The following SYTL2 variants were observed in gnomAD, a reference collection of about 807,000 sequenced individuals.
SYTL2 encodes synaptotagmin like 2, also known as synaptotagmin-like protein 2.
SYTL2 carries 165 observed loss-of-function variants against 198.7 expected under a neutral mutation model. The observed-to-expected ratio is 0.83, with a 90% CI of 0.73 to 0.94. SYTL2 has a LOEUF of 0.94. Among genes scored for constraint, SYTL2 ranks in the 40% least tolerant of loss-of-function variants. SYTL2 has a pLI of 0.00. For synonymous variants in SYTL2, 966 were observed against 917.7 expected (o/e 1.05, Z -0.95); for missense variants, 2,835 against 2,582.8 (o/e 1.10, Z -2.12).
chr11:85,779,216 G>A (rs1000803869), intron 1 of SYTL2, among the ~76,000 whole-genome samples: 2 of 151,988 alleles, frequency 1.3e-5, no homozygotes, highest in African/African-American at 4.8e-5. Context: ...CTCATCCCCA[G>A]GTAGTAAAAT....
At chr11:85,702,290 A>G (rs1439091904) in intron 16 of SYTL2, among the ~76,000 whole-genome samples, 1 of 151,866 alleles carries the variant, frequency 6.6e-6, no homozygotes, top group Non-Finnish European at 1.5e-5. Flanking sequence ...CCTGGGTTCA[A>G]GTGATCCTCC....
rs139140764 is a variant in SYTL2, at chr11:85,725,227, C to T, written c.4131G>A (p.Leu1377=). ...LNDVSAALQK[L]CGEVWLSYPA... is the part of the protein sequence containing the mutation. ...GATAACTTAACCATACTTCTCCACA[C>T]AGCTTCTGTAATGCAGCACTTACAT... The change falls in exon 8 of 20, where the codon CTG becomes CTA. Residue 1377 remains leucine (L), a synonymous_variant. Transcript: ENST00000359152. 1.9e-5 allele frequency: 30 copies of T among 1,614,094 alleles called. No individual in the cohort carries two copies. The African/African-American group carries it at 3.9e-4, about 21-fold the overall frequency.
At chr11:85,804,337 G>A (rs2092929760) in intron 1 of SYTL2, among the ~76,000 whole-genome samples, 1 of 152,178 alleles carries the variant, frequency 6.6e-6, no homozygotes, top group African/African-American at 2.4e-5. Context: ...TTCATGAACA[G>A]TAGAGCAGAA....
At position 85,696,339 on chromosome 11, in the gene SYTL2, C is replaced by T. The variant is rs1468077548; in HGVS notation, c.6418G>A (p.Val2140Ile). The change falls in exon 19 of 20, where the codon GTA becomes ATA. Residue 2140 changes from valine (V) to isoleucine (I), a missense_variant. By Grantham distance (29) the Val-to-Ile change is conservative. Coordinates refer to ENST00000359152, the MANE Select transcript of SYTL2 (RefSeq NM_206927.4). ...SRKSRQKTRA[V>I]GKTTNPIFNH... ...AAGATAGGGTTGGTGGTTTTCCCTA[C>T]AGCTCTTGTCTTCTGGCGACTTTTC... The T allele has an allele frequency of 6.2e-7, 1 of 1,614,018 alleles. No individual in the cohort carries two copies. Among genetic ancestry groups the T allele is most frequent in the East Asian group, 2.2e-5 (1 of 44,878 alleles).
At chr11:85,795,145 C>A (rs188559146) in intron 1 of SYTL2, among the ~76,000 whole-genome samples, 2 of 152,056 alleles carry the variant, frequency 1.3e-5, no homozygotes, top group African/African-American at 4.8e-5. Flanking sequence ...CCATAGTGAA[C>A]CTTGTATTAG....
intron 8 of SYTL2, among the ~76,000 whole-genome samples, chr11:85,723,420 T>C (rs1347847791): frequency 6.6e-6 from 1 of 152,158 alleles, no homozygotes; most frequent in Non-Finnish European, 1.5e-5. Flanking sequence ...CAGCACAAGG[T>C]ATCTGAGGGA....
chr11:85,731,355 A>G (rs2089804189), intron 7 of SYTL2, among the ~76,000 whole-genome samples: 1 of 152,208 alleles, frequency 6.6e-6, no homozygotes, highest in Non-Finnish European at 1.5e-5. Flanking sequence ...TACCATAACC[A>G]AAACTGCATG....
chr11:85,794,112 C>A (rs1450310851), intron 1 of SYTL2, among the ~76,000 whole-genome samples: 2 of 152,120 alleles, frequency 1.3e-5, no homozygotes, highest in African/African-American at 4.8e-5. Flanking sequence ...TCAAGCAACT[C>A]TCCCACCTCA....
the SYTL2 span, among the ~76,000 whole-genome samples, chr11:85,841,656 C>G: frequency 6.6e-6 from 1 of 152,120 alleles, no homozygotes; most frequent in Non-Finnish European, 1.5e-5. Context: ...ACAAGACACA[C>G]TGGAGCCTAT....
At chr11:85,754,911 A>G (rs1407333804) in intron 2 of SYTL2, among the ~76,000 whole-genome samples, 2 of 152,174 alleles carry the variant, frequency 1.3e-5, no homozygotes, top group East Asian at 3.8e-4. Context: ...CACCGGCCCA[A>G]GAGATTTCTC....
At chr11:85,781,599 C>G (rs1364817898) in intron 1 of SYTL2, among the ~76,000 whole-genome samples, 2 of 152,156 alleles carry the variant, frequency 1.3e-5, no homozygotes, top group Non-Finnish European at 2.9e-5. Flanking sequence ...ACTTATGAGC[C>G]TGTAAAATCA....
the SYTL2 span, among the ~76,000 whole-genome samples, chr11:85,838,654 A>G: frequency 6.6e-6 from 1 of 152,158 alleles, no homozygotes; most frequent in African/African-American, 2.4e-5. Context: ...AGATCTCAAG[A>G]GAACTCACTA....
At chr11:85,796,401 T>C (rs78732199) in intron 1 of SYTL2, among the ~76,000 whole-genome samples, 12 of 152,280 alleles carry the variant, frequency 7.9e-5, no homozygotes, top group Non-Finnish European at 1.6e-4. Context: ...CAAGAACTCC[T>C]CCCCTGATTT....
rs750296591 is a variant in SYTL2, at chr11:85,727,808, T to A, written c.1550A>T (p.Asp517Val). The change falls in exon 8 of 20, where the codon GAT (aspartate) becomes GTT (valine). Residue 517 changes from aspartate (D) to valine (V), a missense_variant. Physicochemically the swap from Asp to Val is radical, Grantham distance 152. This residue lies in a region of SYTL2 where 2,645 missense variants were observed against 2,381.7 expected (regional missense o/e 1.11). Transcript: ENST00000359152. ...YATEIKKSTD[D>V]SIFKVLDWFN... ...CCAGTCTAGAACTTTAAATATGGAATCATCAGTTGACTTCTTTATCTCAGT... is the reference window on the plus strand; with the variant it reads ...CCAGTCTAGAACTTTAAATATGGAAACATCAGTTGACTTCTTTATCTCAGT... 1.2e-6 allele frequency: 2 copies of A among 1,605,948 alleles called. No individual in the cohort carries two copies. Among genetic ancestry groups the A allele is most frequent in the South Asian group, 1.1e-5 (1 of 89,432 alleles).
At chr11:85,817,897 C>G in the SYTL2 span, among the ~76,000 whole-genome samples, 1 of 119,872 alleles carries the variant, frequency 8.3e-6, no homozygotes, top group East Asian at 2.4e-4. Context: ...ACCTTTGTGT[C>G]TTTTCTTTTT....
chr11:85,734,533 C>T lies in SYTL2; in HGVS notation c.796G>A (p.Ala266Thr). ...AGGATCCCTCTCGGAGCCCCTCTCG[C>T]TTTCAGGGAGTCTGTCCTTTGTCTA... ...FPRQRTDSLK[A>T]RGAPRGILKR... is the part of the protein sequence containing the mutation. Residue 266 changes from alanine (A) to threonine (T), a missense_variant, in exon 7 of 20, where the codon GCG becomes ACG. Coordinates refer to ENST00000359152, the MANE Select transcript of SYTL2 (RefSeq NM_206927.4). The T allele has an allele frequency of 6.2e-7, 1 of 1,614,190 alleles. No homozygotes were observed. The highest frequency in any genetic ancestry group is 8.5e-7 in the Non-Finnish European group (1 of 1,180,014).
the SYTL2 span, among the ~76,000 whole-genome samples, chr11:85,833,607 G>T: frequency 6.6e-6 from 1 of 151,716 alleles, no homozygotes; most frequent in South Asian, 2.1e-4. Flanking sequence ...CCACAAATCT[G>T]TGTAGCATAA....
intron 7 of SYTL2, 27 bp downstream of exon 7, chr11:85,733,912 A>G: frequency 2.5e-6 from 4 of 1,599,798 alleles, no homozygotes; most frequent in East Asian, 2.2e-5. Flanking sequence ...CCAAGTTTTT[A>G]TAATCTAGTA....
the SYTL2 span, among the ~76,000 whole-genome samples, chr11:85,851,065 T>A: frequency 1.3e-5 from 2 of 150,272 alleles, no homozygotes; most frequent in Non-Finnish European, 3.0e-5. Flanking sequence ...TCGGGAGACA[T>A]ACCTAATGCT....
Sources: gnomAD v4.1 joint callset for allele counts (sites outside exome capture counted in the v4.1 genomes callset) on GRCh38, gnomAD v4.1.1 for gene constraint, gnomAD v4.1.1 regional missense constraint, MANE v1.5 for transcripts, NCBI Gene and HGNC (gene_info 2026-07-23, HGNC 2026-07-21) for gene names.